Variants in KLHL40 observed in about 807,000 individuals in gnomAD.
KLHL40 encodes the protein kelch-like protein 40.
In KLHL40, 44 loss-of-function variants were observed where a neutral mutation model predicts 49.7. The observed-to-expected ratio is 0.89, with a 90% CI of 0.70 to 1.14. The LOEUF (loss-of-function observed/expected upper bound fraction) is 1.14. KLHL40 is among the 50% of genes most tolerant of loss of function. KLHL40 has a pLI of 0.00. For synonymous variants in KLHL40, 409 were observed against 365.2 expected (o/e 1.12, Z -1.37); for missense variants, 892 against 850.3 (o/e 1.05, Z -0.61).
At chr3:42,689,200 GT>G in intron 4 of KLHL40, 146 bp downstream of exon 4, 1 of 746,864 alleles carries the variant, frequency 1.3e-6, no homozygotes, top group Non-Finnish European at 2.1e-6. Context: ...CTGATCAGCA[GT>G]GAGGTGGGGA....
intron 5 of KLHL40, 148 bp from the exon 6 acceptor site, chr3:42,691,734 G>A (rs1488379856): frequency 1.1e-5 from 7 of 626,498 alleles, no homozygotes; most frequent in Non-Finnish European, 2.0e-5. Flanking sequence ...CTTGTGGGGG[G>A]TCTCCTTTCC....
At chr3:42,689,890 C>T (rs339699) in intron 4 of KLHL40, among the ~76,000 whole-genome samples, 18,519 of 152,066 alleles carry the variant, frequency 0.12, 3,328 homozygotes, top group African/African-American at 0.39. Flanking sequence ...GAGATGCTGA[C>T]GCTGCTGGGC....
intron 4 of KLHL40, among the ~76,000 whole-genome samples, chr3:42,689,855 G>C (rs1357181845): frequency 6.6e-6 from 1 of 152,190 alleles, no homozygotes; most frequent in East Asian, 1.9e-4. Flanking sequence ...AAGCCTGTAA[G>C]TCTGCATTTC....
rs371920842 is a variant in KLHL40 at position 42,686,417 on chromosome 3, A to T, written c.799A>T (p.Thr267Ser). The T allele has an allele frequency of 8.7e-6, 14 of 1,613,588 alleles. No homozygotes were observed. Among genetic ancestry groups the T allele is most frequent in the Non-Finnish European group, 1.2e-5 (14 of 1,179,984 alleles). Residue 267 changes from threonine to serine, a missense_variant, in exon 1 of 6, where the codon ACG (threonine) becomes TCG (serine). Coordinates refer to ENST00000287777, the MANE Select transcript of KLHL40 (RefSeq NM_152393.4). ...VKDAHEGRIT[T>S]LRKKKKGKDG... ...GGATGCACACGAGGGCCGCATCACC[A>T]CGCTGCGGAAGAAAAAGAAGGGGAA...
rs1431143486 is a variant in KLHL40 at position 42,692,284 on chromosome 3, C to T, written c.*291C>T. On this transcript the variant is annotated 3_prime_UTR_variant, in exon 6 of 6. Transcript: ENST00000287777. Reference sequence around the variant, plus strand: ...TCCCAGGCCGTGTGCTGGCCCTGCCCCAGCCTAGCTGAGTGTGCTGGCAAA... The same window carrying T: ...TCCCAGGCCGTGTGCTGGCCCTGCCTCAGCCTAGCTGAGTGTGCTGGCAAA... 1.1e-5 allele frequency: 5 copies of T among 474,752 alleles called. No individual in the cohort carries two copies. Among genetic ancestry groups the T allele is most frequent in the East Asian group, 3.6e-5 (1 of 27,556 alleles). 29.4% of individuals were successfully genotyped at this position (474,752 alleles called of 1,614,324 possible). A position where few individuals can be genotyped will look rare whatever the true frequency, so the allele number is the denominator to read the frequency against.
In KLHL40 at chr3:42,686,115, A is replaced by G; in HGVS notation, c.497A>G (p.Asp166Gly). Residue 166 changes from aspartate to glycine, a missense_variant, in exon 1 of 6, where the codon GAC becomes GGC. Physicochemically the swap from Asp to Gly is moderately conservative, Grantham distance 94 (BLOSUM62 -1). Transcript: ENST00000287777. ...GCTCACTTCACGCTGGTGGCGCGCG[A>G]CGCTGACTTCCTCGGACTCTCGGCC... ...ICAHFTLVARDADFLGLSADE... is the reference protein window; with the variant it reads ...ICAHFTLVARGADFLGLSADE... The G allele has an allele frequency of 6.2e-7, 1 of 1,600,258 alleles. No individual in the cohort carries two copies. The highest frequency in any genetic ancestry group is 8.5e-7 in the Non-Finnish European group (1 of 1,179,296).
chr3:42,692,540 G>T lies in KLHL40; in HGVS notation c.*547G>T. ...GTCGATGGTCTCTGCTCTCCATCTG[G>T]TGTCCCCTCCACCCTATGGGTGGGA... On this transcript the variant is annotated 3_prime_UTR_variant, in exon 6 of 6. Transcript: ENST00000287777. 1 of 840,200 alleles carries T rather than the reference G, an allele frequency of 1.2e-6. No individual in the cohort carries two copies. The highest frequency in any genetic ancestry group is 1.8e-6 in the Non-Finnish European group (1 of 564,628). The allele number at this position is 840,200 out of a possible 1,614,324, so 52.0% of individuals were successfully genotyped here. A position where few individuals can be genotyped will look rare whatever the true frequency, so the allele number is the denominator to read the frequency against.
Position 42,690,890 on chromosome 3 carries a change from C to G in KLHL40, c.1639C>G (p.Arg547Gly). Reference sequence around the variant, plus strand: ...ACCCTTCGAGGCCTTCCCACAGGAGCGTAGCTCACTCAGCCTGGTCAGCCT... The same window carrying G: ...ACCCTTCGAGGCCTTCCCACAGGAGGGTAGCTCACTCAGCCTGGTCAGCCT... ...WAPFEAFPQE[R>G]SSLSLVSLVG... The change falls in exon 5 of 6, where the codon CGT (arginine) becomes GGT (glycine). Residue 547 changes from arginine to glycine, a missense_variant. Physicochemically the swap from Arg to Gly is moderately radical, Grantham distance 125. Coordinates refer to ENST00000287777, the MANE Select transcript of KLHL40 (RefSeq NM_152393.4). 6.2e-7 allele frequency: 1 copy of G among 1,613,014 alleles called. No individual in the cohort carries two copies.
intron 4 of KLHL40, among the ~76,000 whole-genome samples, chr3:42,690,403 G>A (rs1697343570): frequency 6.6e-6 from 1 of 152,246 alleles, no homozygotes; most frequent in Non-Finnish European, 1.5e-5. Context: ...CCCAAGGCAG[G>A]AGCCAGGGTA....
chr3:42,688,340 T>C lies in KLHL40; in HGVS notation c.1313+38T>C, dbSNP rs760919290. On this transcript the variant is annotated intron_variant, in intron 2 of 5. Coordinates refer to ENST00000287777, the MANE Select transcript of KLHL40 (RefSeq NM_152393.4). The surrounding 1 kb of genome is among the most constrained non-coding windows in gnomAD (Gnocchi z 4.2). Reference sequence around the variant, plus strand: ...GGGGTGGGGCTGAGCTCCGTGGGGGTGAGTGGGGCATGGAGGCCGCAGCTG... The same window carrying C: ...GGGGTGGGGCTGAGCTCCGTGGGGGCGAGTGGGGCATGGAGGCCGCAGCTG... The C allele has an allele frequency of 2.5e-6, 4 of 1,596,734 alleles. No homozygotes were observed. The African/African-American group carries it at 5.7e-5, about 23-fold the overall frequency.
At position 42,685,580 on chromosome 3, in the gene KLHL40, G is replaced by C; in HGVS notation, c.-39G>C. On this transcript the variant is annotated 5_prime_UTR_variant, in exon 1 of 6. Transcript: ENST00000287777. ...CAGGAAAGCAGGGGTACAGAGAGGAGCCCCCTTGGCACCGCCACCGCACCC... is the reference window on the plus strand; with the variant it reads ...CAGGAAAGCAGGGGTACAGAGAGGACCCCCCTTGGCACCGCCACCGCACCC... The C allele has an allele frequency of 3.3e-6, 5 of 1,523,354 alleles. No homozygotes were observed. Among genetic ancestry groups the C allele is most frequent in the South Asian group, 1.3e-5 (1 of 78,912 alleles). The allele number at this position is 1,523,354 out of a possible 1,614,324, so 94.4% of individuals were successfully genotyped here.
At position 42,686,065 on chromosome 3, in the gene KLHL40, C is replaced by T. The variant is rs138852341; in HGVS notation, c.447C>T (p.Ala149=). Residue 149 remains alanine (A), a synonymous_variant, in exon 1 of 6, where the codon GCC becomes GCT. Transcript: ENST00000287777. ...LGLLLDCARL[A]VAARDFICAH... ...TCCTGCTCGACTGCGCGCGTCTCGC[C>T]GTGGCTGCCCGCGACTTCATCTGCG... The T allele has an allele frequency of 1.4e-4, 231 of 1,604,554 alleles. 1 individual carries two copies. In the African/African-American group the frequency reaches 2.7e-3, roughly 19 times the overall value.
Position 42,690,852 on chromosome 3 carries a change from C to T in KLHL40, c.1608-7C>T. The T allele has an allele frequency of 1.9e-6, 3 of 1,595,734 alleles. No homozygotes were observed. Among genetic ancestry groups the T allele is most frequent in the Non-Finnish European group, 2.6e-6 (3 of 1,170,656 alleles). On this transcript the variant is annotated splice_region_variant and splice_polypyrimidine_tract_variant and intron_variant, in intron 4 of 5. Transcript: ENST00000287777. ...TCCCAATGATGCACCTTCTCACACA[C>T]CCCCAGGTGGGCACCCTTCGAGGCC...
rs1697268352 is a variant in KLHL40, at chr3:42,686,121, A to T, written c.503A>T (p.Asp168Val). Residue 168 changes from aspartate (D) to valine (V), a missense_variant, in exon 1 of 6, where the codon GAC (aspartate) becomes GTC (valine). Coordinates refer to ENST00000287777, the MANE Select transcript of KLHL40 (RefSeq NM_152393.4). ...AHFTLVARDADFLGLSADELI... is the reference protein window; with the variant it reads ...AHFTLVARDAVFLGLSADELI... ...TTCACGCTGGTGGCGCGCGACGCTG[A>T]CTTCCTCGGACTCTCGGCCGACGAG... 1 of 1,599,106 alleles carries T rather than the reference A, an allele frequency of 6.3e-7. No individual in the cohort carries two copies. The highest frequency in any genetic ancestry group is 8.5e-7 in the Non-Finnish European group (1 of 1,178,668).
chr3:42,690,498 G>A (rs113500447), intron 4 of KLHL40, among the ~76,000 whole-genome samples: 16 of 152,200 alleles, frequency 1.1e-4, no homozygotes, highest in African/African-American at 2.4e-4. Context: ...TGCAGGGGCC[G>A]CTGAGGGGCA....
Position 42,688,287 on chromosome 3 carries a change from T to C in KLHL40, c.1298T>C (p.Met433Thr), listed in dbSNP as rs767570073. ...KDGERCLDSVMCYDRLSFKWG... is the reference protein window; with the variant it reads ...KDGERCLDSVTCYDRLSFKWG... ...GGCGAGCGCTGCCTGGACTCGGTCA[T>C]GTGCTACGACAGGCTGTGAGCATGG... The change falls in exon 2 of 6, where the codon ATG becomes ACG. Residue 433 changes from methionine (M) to threonine (T), a missense_variant. Met to Thr is a moderately conservative substitution (Grantham distance 81). Coordinates refer to ENST00000287777, the MANE Select transcript of KLHL40 (RefSeq NM_152393.4). This position sits in a 1 kb window ranked among gnomAD's most constrained non-coding sequence, Gnocchi z 4.2. 3.7e-6 allele frequency: 6 copies of C among 1,613,736 alleles called. No homozygotes were observed. The highest frequency in any genetic ancestry group is 5.1e-6 in the Non-Finnish European group (6 of 1,179,988).
At chr3:42,689,158 T>C (rs1697323816) in intron 4 of KLHL40, 104 bp downstream of exon 4, 3 of 996,584 alleles carry the variant, frequency 3.0e-6, no homozygotes, top group East Asian at 5.1e-5. Context: ...AGTGTTGACT[T>C]TGGACATCAG....
chr3:42,687,811 G>A (rs942622565), intron 1 of KLHL40, among the ~76,000 whole-genome samples: 2 of 152,098 alleles, frequency 1.3e-5, no homozygotes, highest in African/African-American at 2.4e-5. Context: ...TGGAGAGGAG[G>A]GGGCAGGCAG....
Position 42,686,428 on chromosome 3 carries a change from G to GA in KLHL40, c.815dup (p.Lys273GlufsTer12), listed in dbSNP as rs765481332. The GA allele has an allele frequency of 1.2e-6, 2 of 1,613,744 alleles. No individual in the cohort carries two copies. Among genetic ancestry groups the GA allele is most frequent in the African/African-American group, 2.7e-5 (2 of 74,950 alleles). Reference sequence around the variant, plus strand: ...AGGGCCGCATCACCACGCTGCGGAAGAAAAAGAAGGGGAAGGATGGAGCCG... The same window carrying GA: ...AGGGCCGCATCACCACGCTGCGGAAGAAAAAAGAAGGGGAAGGATGGAGCCG... On this transcript the variant is annotated frameshift_variant, in exon 1 of 6. Coordinates refer to ENST00000287777, the MANE Select transcript of KLHL40 (RefSeq NM_152393.4). LOFTEE classifies it high-confidence loss of function.
Sources: gnomAD v4.1 joint callset for allele counts (sites outside exome capture counted in the v4.1 genomes callset) on GRCh38, gnomAD v4.1.1 for gene constraint, Gnocchi (gnomAD v3.1) non-coding constraint, MANE v1.5 for transcripts, NCBI Gene and HGNC (gene_info 2026-07-23, HGNC 2026-07-21) for gene names.